The following C1orf198 variants were observed in gnomAD, a reference collection of about 807,000 sequenced individuals.
The protein encoded by C1orf198 is uncharacterized protein C1orf198.
A neutral mutation model predicts 31.4 loss-of-function variants in C1orf198; 17 were observed. The observed-to-expected ratio is 0.54, with a 90% CI of 0.37 to 0.81. The LOEUF (loss-of-function observed/expected upper bound fraction) is 0.81, where lower values mean the gene tolerates loss of function less well. C1orf198 is among the 40% of genes least tolerant of loss of function. C1orf198 has a pLI of 0.00. For synonymous variants in C1orf198, 175 were observed against 193.8 expected, an observed-to-expected ratio of 0.90 and a Z score of 0.81; for missense variants, 401 against 450.3, an observed-to-expected ratio of 0.89 and a Z score of 0.99.
chr1:230,866,429 A>T (rs550613728), intron 1 of C1orf198, among the ~76,000 whole-genome samples: 1 of 152,310 alleles, frequency 6.6e-6, no homozygotes, highest in East Asian at 1.9e-4. Context: ...TACAGGCACC[A>T]CAGCACGGCA....
At chr1:230,842,657 TG>T (rs975346505) in intron 3 of C1orf198, among the ~76,000 whole-genome samples, 1 of 151,782 alleles carries the variant, frequency 6.6e-6, no homozygotes, top group African/African-American at 2.4e-5. Flanking sequence ...GCTCGGGTGA[TG>T]GGTGCACCAA....
intron 2 of C1orf198, among the ~76,000 whole-genome samples, chr1:230,846,647 C>T (rs1669594778): frequency 6.6e-6 from 1 of 152,220 alleles, no homozygotes; most frequent in Non-Finnish European, 1.5e-5. Context: ...CTAGGCTGCC[C>T]TGAAGCTCAG....
At position 230,843,459 on chromosome 1, in the gene C1orf198, T is replaced by G; in HGVS notation, c.822A>C (p.Ala274=). ...RPQPVQAFSS[A]LHEAAPSQLE... is the part of the protein sequence containing the mutation. ...GCTGGGAGGGGGCAGCCTCGTGCAG[T>G]GCACTGCTGAAGGCCTGGACAGGCT... Residue 274 remains alanine, a synonymous_variant, in exon 3 of 4, where the codon GCA becomes GCC. Transcript: ENST00000366663. This position sits in a 1 kb window ranked among gnomAD's most constrained non-coding sequence, Gnocchi z 4.9. 1 of 1,608,544 alleles carries G rather than the reference T, an allele frequency of 6.2e-7. No homozygotes were observed. The highest frequency in any genetic ancestry group is 1.1e-5 in the South Asian group (1 of 90,140).
At chr1:230,864,543 T>G (rs12040959) in intron 1 of C1orf198, among the ~76,000 whole-genome samples, 44,970 of 152,078 alleles carry the variant, frequency 0.3, 7,164 homozygotes, top group East Asian at 0.52. Context: ...GCCAAGCTGT[T>G]GAAGAGGGGA....
chr1:230,843,870 G>C lies in C1orf198; in HGVS notation c.411C>G (p.Ala137=). The stretch of plus-strand genomic sequence containing the variant: ...CGTTGCTCGGCTCCTGGATGGATAG[G>C]GCGGAGATACTGAACTCCATCTGAC... ...TKSQMEFSIS[A]LSIQEPSNGT... Residue 137 remains alanine, a synonymous_variant, in exon 3 of 4, where the codon GCC becomes GCG. Coordinates refer to ENST00000366663, the MANE Select transcript of C1orf198 (RefSeq NM_032800.3). This position sits in a 1 kb window ranked among gnomAD's most constrained non-coding sequence, Gnocchi z 4.9. The C allele has an allele frequency of 6.6e-7, 1 of 1,521,168 alleles. No individual in the cohort carries two copies. Among genetic ancestry groups the C allele is most frequent in the East Asian group, 2.3e-5 (1 of 44,146 alleles). 94.2% of individuals were successfully genotyped at this position (1,521,168 alleles called of 1,614,324 possible). A position where few individuals can be genotyped will look rare whatever the true frequency, so the allele number is the denominator to read the frequency against.
At chr1:230,868,715 G>A (rs1670187798), upstream of C1orf198, 1 of 199,052 alleles carries the variant, frequency 5.0e-6, no homozygotes, top group Admixed American at 6.5e-5. Flanking sequence ...CCTCCCTCCG[G>A]GCCCCCCCCC....
At chr1:230,867,817 A>G (rs1670155721) in intron 1 of C1orf198, among the ~76,000 whole-genome samples, 1 of 152,220 alleles carries the variant, frequency 6.6e-6, no homozygotes, top group Admixed American at 6.5e-5. Context: ...GGTAGTAAGT[A>G]GCAGAGCTGG....
chr1:230,847,154 C>T (rs1463746373), intron 2 of C1orf198, among the ~76,000 whole-genome samples: 2 of 147,904 alleles, frequency 1.4e-5, no homozygotes, highest in Non-Finnish European at 3.0e-5. Context: ...CGACGCATGC[C>T]TGTAATCCCA....
At chr1:230,864,518 ACGG>A (rs1670069786) in intron 1 of C1orf198, among the ~76,000 whole-genome samples, 2 of 152,198 alleles carry the variant, frequency 1.3e-5, no homozygotes, top group Non-Finnish European at 2.9e-5. Context: ...CTGGAGGGAC[ACGG>A]CAGTGGATCA....
At chr1:230,841,204 AGGTACCG>A (rs1669431600) in intron 3 of C1orf198, among the ~76,000 whole-genome samples, 1 of 152,186 alleles carries the variant, frequency 6.6e-6, no homozygotes, top group Non-Finnish European at 1.5e-5. Context: ...AGAGATGGGC[AGGTACCG>A]GAGAAGGCAG....
chr1:230,864,719 A>G (rs563892462), intron 1 of C1orf198, among the ~76,000 whole-genome samples: 10 of 152,306 alleles, frequency 6.6e-5, no homozygotes, highest in African/African-American at 2.4e-4. Context: ...AAGCTCCCCC[A>G]GTCATCTGCT....
At chr1:230,853,489 T>C (rs570404745) in intron 2 of C1orf198, among the ~76,000 whole-genome samples, 1 of 152,178 alleles carries the variant, frequency 6.6e-6, no homozygotes, top group African/African-American at 2.4e-5. Flanking sequence ...ATGGGCTTTT[T>C]AAAACTCGGC....
upstream of C1orf198, chr1:230,869,392 G>A (rs1297766978): frequency 6.6e-6 from 1 of 152,166 alleles, no homozygotes; most frequent in Admixed American, 6.5e-5. Flanking sequence ...TTTGAGGTGT[G>A]TCCCAGACAG....
intron 1 of C1orf198, among the ~76,000 whole-genome samples, chr1:230,862,723 G>A (rs1558142841): frequency 6.6e-6 from 1 of 152,214 alleles, no homozygotes; most frequent in Non-Finnish European, 1.5e-5. Context: ...GGAAGGATAA[G>A]TAAGTGGAAC....
In C1orf198 at chr1:230,843,708, C is replaced by T. The variant is rs1476540206; in HGVS notation, c.573G>A (p.Trp191Ter). 1.2e-6 allele frequency: 2 copies of T among 1,614,208 alleles called. No individual in the cohort carries two copies. The highest frequency in any genetic ancestry group is 1.7e-6 in the Non-Finnish European group (2 of 1,180,036). ...PTRKEEEASF[W>*]KINAERSRGE... ...CTCGGGACCGCTCAGCATTGATCTT[C>T]CAGAATGACGCTTCCTCCTCCTTCC... is the stretch of plus-strand genomic sequence containing the variant. Residue 191 changes from tryptophan (W) to a stop codon, truncating the protein, a stop_gained, in exon 3 of 4, where the codon TGG (tryptophan) becomes TGA (stop). Coordinates refer to ENST00000366663, the MANE Select transcript of C1orf198 (RefSeq NM_032800.3). LOFTEE classifies it high-confidence loss of function. This position sits in a 1 kb window ranked among gnomAD's most constrained non-coding sequence, Gnocchi z 4.9.
At chr1:230,851,067 A>G (rs1669730279) in intron 2 of C1orf198, among the ~76,000 whole-genome samples, 1 of 151,150 alleles carries the variant, frequency 6.6e-6, no homozygotes, top group South Asian at 2.1e-4. Context: ...TATCATGGGC[A>G]CAGCACAGAG....
chr1:230,855,641 A>T (rs1430128092), intron 2 of C1orf198, 27 bp downstream of exon 2: 1 of 1,607,044 alleles, frequency 6.2e-7, no homozygotes, highest in Non-Finnish European at 8.5e-7. Context: ...TAAAAGAACA[A>T]ATAGATCTAA....
chr1:230,863,738 C>G (rs1419976719), intron 1 of C1orf198, among the ~76,000 whole-genome samples: 1 of 152,172 alleles, frequency 6.6e-6, no homozygotes, highest in Non-Finnish European at 1.5e-5. Flanking sequence ...CAGGCCCGAC[C>G]GCCCTCTCCT....
At chr1:230,851,372 G>A (rs1669738876) in intron 2 of C1orf198, among the ~76,000 whole-genome samples, 1 of 152,076 alleles carries the variant, frequency 6.6e-6, no homozygotes, top group African/African-American at 2.4e-5. Flanking sequence ...CTGGGGATGG[G>A]GTCCCAAGAG....
Sources: gnomAD v4.1 joint callset for allele counts (sites outside exome capture counted in the v4.1 genomes callset) on GRCh38, gnomAD v4.1.1 for gene constraint, Gnocchi (gnomAD v3.1) non-coding constraint, MANE v1.5 for transcripts, NCBI Gene and HGNC (gene_info 2026-07-23, HGNC 2026-07-21) for gene names.